The following PKIA variants were observed in gnomAD, a reference collection of about 807,000 sequenced individuals.
PKIA encodes PKI-alpha.
Under a neutral mutation model 7.6 loss-of-function variants are expected in PKIA, and 4 were observed. The observed-to-expected ratio is 0.52, with a 90% CI of 0.26 to 1.20. The LOEUF (loss-of-function observed/expected upper bound fraction) is 1.20. Among genes scored for constraint, PKIA ranks in the 50% most tolerant of loss-of-function variants. The probability of loss-of-function intolerance (pLI) is 0.13; values close to 1 mark genes in which losing one functional copy is unlikely to be tolerated. For synonymous variants in PKIA, 21 were observed against 30.7 expected (o/e 0.68, Z 1.04); for missense variants, 73 against 86.2 (o/e 0.85, Z 0.61).
At chr8:78,595,392 G>T (rs970443960) in intron 2 of PKIA, among the ~76,000 whole-genome samples, 3 of 152,096 alleles carry the variant, frequency 2.0e-5, no homozygotes, top group Admixed American at 6.6e-5. Flanking sequence ...TCCAGATTCA[G>T]AATTTTACAA....
intron 1 of PKIA, among the ~76,000 whole-genome samples, chr8:78,563,396 G>A (rs1484653033): frequency 2.0e-5 from 3 of 152,044 alleles, no homozygotes; most frequent in African/African-American, 7.2e-5. Flanking sequence ...TAAATGTGGA[G>A]AATAATCCTT....
At chr8:78,556,905 T>A (rs963923713) in intron 1 of PKIA, among the ~76,000 whole-genome samples, 1 of 152,156 alleles carries the variant, frequency 6.6e-6, no homozygotes, top group Non-Finnish European at 1.5e-5. Context: ...GATTTGCCAC[T>A]CTTTGCTTTC....
chr8:78,561,973 C>T (rs961412930), intron 1 of PKIA, among the ~76,000 whole-genome samples: 6 of 152,078 alleles, frequency 3.9e-5, no homozygotes, highest in Admixed American at 6.6e-5. Context: ...TGAATTAGTT[C>T]TAAAACTTAG....
rs534929703 is a variant in PKIA, at chr8:78,584,950, G to A, written c.-28+12011G>A. Among the ~76,000 whole-genome samples the A allele has an allele frequency of 7.2e-5, 11 of 152,030 alleles. 1 individual carries two copies. The South Asian group carries it at 2.3e-3, about 31-fold the overall frequency. On this transcript the variant is annotated intron_variant, in intron 2 of 3. Coordinates refer to ENST00000396418, the MANE Select transcript of PKIA (RefSeq NM_006823.4). ...TGAATATTCCTGGTAATGGAATAGA[G>A]TCATAATAATAATTTCTAGTTCTGC...
chr8:78,523,458 C>A (rs1458254816), intron 1 of PKIA, among the ~76,000 whole-genome samples: 1 of 151,882 alleles, frequency 6.6e-6, no homozygotes, highest in Non-Finnish European at 1.5e-5. Context: ...GGTTATGAGA[C>A]CAAAGGGTAG....
intron 1 of PKIA, among the ~76,000 whole-genome samples, chr8:78,558,781 A>G (rs769329516): frequency 1.3e-5 from 2 of 152,218 alleles, no homozygotes; most frequent in Non-Finnish European, 2.9e-5. Flanking sequence ...TGTGTGAAAG[A>G]AACAGAATCA....
intron 1 of PKIA, among the ~76,000 whole-genome samples, chr8:78,541,659 T>C (rs765701453): frequency 1.3e-5 from 2 of 152,170 alleles, no homozygotes; most frequent in Non-Finnish European, 2.9e-5. Flanking sequence ...TTCATATTTT[T>C]CTGGATAGTC....
At chr8:78,530,407 T>A (rs1356545012) in intron 1 of PKIA, among the ~76,000 whole-genome samples, 4 of 152,032 alleles carry the variant, frequency 2.6e-5, no homozygotes, top group African/African-American at 9.7e-5. Context: ...CTGCTTCTAG[T>A]TATAAATTCA....
chr8:78,552,800 T>A (rs1162423853), intron 1 of PKIA, among the ~76,000 whole-genome samples: 1 of 152,032 alleles, frequency 6.6e-6, no homozygotes, highest in African/African-American at 2.4e-5. Context: ...ATACTTTTAG[T>A]CTTTATATAA....
At chr8:78,539,407 ATC>A (rs1182410154) in intron 1 of PKIA, among the ~76,000 whole-genome samples, 15 of 152,144 alleles carry the variant, frequency 9.9e-5, no homozygotes, top group African/African-American at 3.6e-4. Flanking sequence ...TTCATAAATG[ATC>A]TGACTCCATT....
chr8:78,574,261 T>C (rs1253754624), intron 2 of PKIA, among the ~76,000 whole-genome samples: 4 of 152,022 alleles, frequency 2.6e-5, no homozygotes, highest in Non-Finnish European at 5.9e-5. Context: ...TATTTCTTTG[T>C]GGGGATAACA....
rs1440237446 is a variant in PKIA at position 78,601,828 on chromosome 8, A to G, written c.*7A>G. On this transcript the variant is annotated 3_prime_UTR_variant, in exon 4 of 4. Transcript: ENST00000396418. ...AGCAAAATCTGAAAGCTAACACCCC[A>G]CTTTGACCCTCGACCACACCTGAAA... 1.2e-6 allele frequency: 2 copies of G among 1,603,556 alleles called. No homozygotes were observed. The highest frequency in any genetic ancestry group is 1.7e-6 in the Non-Finnish European group (2 of 1,171,120).
In PKIA at chr8:78,603,350, A is replaced by G. The variant is rs1808398597; in HGVS notation, c.*1529A>G. 1 of 152,116 alleles carries G rather than the reference A, an allele frequency of 6.6e-6. No homozygotes were observed. Among genetic ancestry groups the G allele is most frequent in the African/African-American group, 2.4e-5 (1 of 41,370 alleles). The allele number at this position is 152,116 out of a possible 1,614,324, so 9.4% of individuals were successfully genotyped here. A position where few individuals can be genotyped will look rare whatever the true frequency, so the allele number is the denominator to read the frequency against. ...TAGGTAGAGCAGCATTTCAATAGGTAATTTGTGTGGTTGTGCCAGAAACTC... is the reference window on the plus strand; with the variant it reads ...TAGGTAGAGCAGCATTTCAATAGGTGATTTGTGTGGTTGTGCCAGAAACTC... On this transcript the variant is annotated 3_prime_UTR_variant, in exon 4 of 4. Coordinates refer to ENST00000396418, the MANE Select transcript of PKIA (RefSeq NM_006823.4).
chr8:78,599,402 A>G (rs1044169832), intron 3 of PKIA, among the ~76,000 whole-genome samples: 2 of 152,044 alleles, frequency 1.3e-5, no homozygotes, highest in Admixed American at 1.3e-4. Flanking sequence ...TCGCTGTTAG[A>G]ATTTTTAAGG....
intron 2 of PKIA, among the ~76,000 whole-genome samples, chr8:78,592,191 G>T (rs949403699): frequency 6.6e-6 from 1 of 151,916 alleles, no homozygotes; most frequent in Non-Finnish European, 1.5e-5. Flanking sequence ...TTCACTAAAA[G>T]CACTATAATC....
intron 2 of PKIA, among the ~76,000 whole-genome samples, chr8:78,592,711 G>A (rs958464347): frequency 6.6e-6 from 1 of 152,072 alleles, no homozygotes; most frequent in Non-Finnish European, 1.5e-5. Flanking sequence ...ATTGCCACCA[G>A]GATCTTTTAA....
chr8:78,536,377 G>T (rs1458389253), intron 1 of PKIA, among the ~76,000 whole-genome samples: 1 of 152,064 alleles, frequency 6.6e-6, no homozygotes, highest in African/African-American at 2.4e-5. Context: ...GAGACAATGA[G>T]AGGCTATGAA....
At chr8:78,522,867 T>G (rs1186358072) in intron 1 of PKIA, among the ~76,000 whole-genome samples, 1 of 151,998 alleles carries the variant, frequency 6.6e-6, no homozygotes, top group East Asian at 1.9e-4. Context: ...TCTTTTATTT[T>G]TTTTTCTTAG....
At chr8:78,591,716 C>T (rs1808101283) in intron 2 of PKIA, among the ~76,000 whole-genome samples, 1 of 152,188 alleles carries the variant, frequency 6.6e-6, no homozygotes. Flanking sequence ...TTTTGTATAA[C>T]TGGATACAAA....
Sources: gnomAD v4.1 joint callset for allele counts (sites outside exome capture counted in the v4.1 genomes callset) on GRCh38, gnomAD v4.1.1 for gene constraint, MANE v1.5 for transcripts, NCBI Gene and HGNC (gene_info 2026-07-23, HGNC 2026-07-21) for gene names.